Variants in CCDC171 observed in about 807,000 individuals in gnomAD.
The protein encoded by CCDC171 is coiled-coil domain containing 171.
CCDC171 carries 177 observed loss-of-function variants against 168.2 expected under a neutral mutation model. That is an observed-to-expected ratio of 1.05 (90% CI 0.93 to 1.19). CCDC171 has a LOEUF of 1.19. Ranked by LOEUF, CCDC171 falls within the 50% of genes most tolerant of loss-of-function variation. The pLI is 0.00. For missense variants in CCDC171, 1,991 were observed against 1,539.0 expected (o/e 1.29, Z -4.91); for synonymous variants, 687 against 540.8 (o/e 1.27, Z -3.75).
intron 25 of CCDC171, among the ~76,000 whole-genome samples, chr9:15,923,905 C>A (rs988333562): frequency 2.0e-5 from 3 of 151,084 alleles, no homozygotes; most frequent in Non-Finnish European, 4.4e-5. Context: ...GATTGCAGCC[C>A]AGATCTAGGA....
chr9:16,105,055 C>T, the CCDC171 span, among the ~76,000 whole-genome samples: 2 of 152,148 alleles, frequency 1.3e-5, no homozygotes, highest in Non-Finnish European at 2.9e-5. Flanking sequence ...CCCTCCTCAT[C>T]CCTACCAAAT....
chr9:15,894,571 T>C (rs1820657620), intron 24 of CCDC171, among the ~76,000 whole-genome samples: 3 of 152,100 alleles, frequency 2.0e-5, no homozygotes, highest in African/African-American at 7.2e-5. Context: ...CCTGCTGCTC[T>C]CCAACTCCAT....
chr9:15,764,226 A>T (rs1588366384), intron 18 of CCDC171, among the ~76,000 whole-genome samples: 1 of 152,210 alleles, frequency 6.6e-6, no homozygotes, highest in East Asian at 1.9e-4. Flanking sequence ...TATGGTAAGA[A>T]CTTTAGATTT....
intron 24 of CCDC171, among the ~76,000 whole-genome samples, chr9:15,898,960 C>T (rs1015453688): frequency 6.6e-6 from 1 of 152,116 alleles, no homozygotes; most frequent in Admixed American, 6.5e-5. Context: ...AGTTTATGGA[C>T]ATATCACCCC....
chr9:15,862,406 CTTAAG>C (rs1373643951), intron 23 of CCDC171, among the ~76,000 whole-genome samples: 1 of 151,228 alleles, frequency 6.6e-6, no homozygotes, highest in East Asian at 1.9e-4. Context: ...ATTTGTTCCT[CTTAAG>C]TTTTCTTATT....
chr9:15,777,485 A>G (rs1237234196), intron 18 of CCDC171, 115 bp from the exon 19 acceptor site: 3 of 607,394 alleles, frequency 4.9e-6, no homozygotes, highest in East Asian at 2.8e-5. Context: ...ATGAATTACT[A>G]CAGGTGAATG....
At chr9:15,803,522 CTTTCCCCATTGCTTG>C (rs1055063639) in intron 21 of CCDC171, among the ~76,000 whole-genome samples, 1 of 152,044 alleles carries the variant, frequency 6.6e-6, no homozygotes, top group African/African-American at 2.4e-5. Flanking sequence ...ATAGGGAATC[CTTTCCCCATTGCTTG>C]TTTTTGTCAG....
intron 23 of CCDC171, among the ~76,000 whole-genome samples, chr9:15,872,877 G>A (rs7867018): frequency 6.6e-6 from 1 of 151,966 alleles, no homozygotes; most frequent in Non-Finnish European, 1.5e-5. Context: ...ATTCATACAT[G>A]TAAAATATAA....
chr9:15,998,583 A>T (rs1281162079), intron 3 of CCDC171, among the ~76,000 whole-genome samples: 1 of 152,190 alleles, frequency 6.6e-6, no homozygotes, highest in Non-Finnish European at 1.5e-5. Context: ...TCGATTTGTC[A>T]TCAAATAGCC....
At chr9:16,106,630 A>G in the CCDC171 span, among the ~76,000 whole-genome samples, 1,062 of 152,302 alleles carry the variant, frequency 7.0e-3, 13 homozygotes, top group African/African-American at 0.024. Flanking sequence ...TCAAACTCCT[A>G]TTTCTTTAGA....
the CCDC171 span, among the ~76,000 whole-genome samples, chr9:16,105,131 A>T: frequency 6.6e-6 from 1 of 152,218 alleles, no homozygotes; most frequent in African/African-American, 2.4e-5. Flanking sequence ...TAGGCTACAG[A>T]CTTCAAATGC....
rs1831530391 is a variant in CCDC171 at position 15,973,613 on chromosome 9, A to G, written c.*1777A>G. ...AATTCTTTCCTTGGAATTATTTTTA[A>G]TATGACCTGTGTAACATGACCTGTA... On this transcript the variant is annotated 3_prime_UTR_variant, in exon 26 of 26. Transcript: ENST00000380701. 3 of 152,166 alleles carry G rather than the reference A, an allele frequency of 2.0e-5. No individual in the cohort carries two copies. The highest frequency in any genetic ancestry group is 4.4e-5 in the Non-Finnish European group (3 of 68,022). The allele number at this position is 152,166 out of a possible 1,614,324, so 9.4% of individuals were successfully genotyped here.
rs1007704344 is a variant in CCDC171, at chr9:15,947,898, A to C, written c.3754-23711A>C. 4.6e-5 allele frequency among the ~76,000 whole-genome samples: 7 copies of C among 152,010 alleles called. No individual in the cohort carries two copies. In the South Asian group the frequency reaches 1.5e-3, roughly 32 times the overall value. On this transcript the variant is annotated intron_variant, in intron 25 of 25. Coordinates refer to ENST00000380701, the MANE Select transcript of CCDC171 (RefSeq NM_173550.4). The stretch of plus-strand genomic sequence containing the variant: ...GTGCAGGTTAGTTACATATGTATAC[A>C]TGTGCCATGCTGGTGCGCTGCACCC...
chr9:15,668,109 G>C (rs1486056165), intron 9 of CCDC171, among the ~76,000 whole-genome samples: 1 of 152,148 alleles, frequency 6.6e-6, no homozygotes, highest in African/African-American at 2.4e-5. Flanking sequence ...AAAACTGTAA[G>C]AAGTCAGAAT....
rs1028070448 is a variant in CCDC171, at chr9:15,862,962, A to AT, written c.3469-11562dup. Among the ~76,000 whole-genome samples, 19 of 151,524 alleles carry AT rather than the reference A, an allele frequency of 1.3e-4. No individual in the cohort carries two copies. The South Asian group carries it at 1.9e-3, about 15-fold the overall frequency. On this transcript the variant is annotated intron_variant, in intron 23 of 25. Coordinates refer to ENST00000380701, the MANE Select transcript of CCDC171 (RefSeq NM_173550.4). ...CCAAGGTAGAGGCTGAGAGCTGGGC[A>AT]TTTTTTTTCACTGGTCCTTTCTGTG...
At chr9:15,601,100 C>T (rs571760659) in intron 6 of CCDC171, among the ~76,000 whole-genome samples, 110 of 152,316 alleles carry the variant, frequency 7.2e-4, no homozygotes, top group Admixed American at 1.3e-3. Flanking sequence ...GGCGATGCCT[C>T]GCCCTGCTTC....
chr9:15,964,465 C>G (rs1830613833), intron 25 of CCDC171, among the ~76,000 whole-genome samples: 1 of 152,010 alleles, frequency 6.6e-6, no homozygotes, highest in Non-Finnish European at 1.5e-5. Context: ...ATGTATGTTT[C>G]TAAGACAGAG....
chr9:15,599,930 T>A (rs558231247), intron 6 of CCDC171, among the ~76,000 whole-genome samples: 2 of 152,186 alleles, frequency 1.3e-5, no homozygotes, highest in South Asian at 4.1e-4. Flanking sequence ...TTTCTTCCAG[T>A]TGATCGAATC....
intron 23 of CCDC171, among the ~76,000 whole-genome samples, chr9:15,858,123 T>G (rs1238851284): frequency 6.6e-6 from 1 of 151,988 alleles, no homozygotes; most frequent in Non-Finnish European, 1.5e-5. Context: ...GTTCAATCAA[T>G]TCTCCCGCCT....
Sources: allele counts gnomAD v4.1 joint callset (sites outside exome capture counted in the v4.1 genomes callset), GRCh38; gene constraint gnomAD v4.1.1; transcripts MANE v1.5; gene names NCBI Gene and HGNC (gene_info 2026-07-23, HGNC 2026-07-21).